The following BUD31 variants were observed in gnomAD, a reference collection of about 807,000 sequenced individuals.
BUD31 encodes the protein protein BUD31 homolog.
BUD31 carries 9 observed loss-of-function variants against 17.9 expected under a neutral mutation model. The observed-to-expected ratio is 0.50, with a 90% CI of 0.30 to 0.88. The LOEUF (loss-of-function observed/expected upper bound fraction) is 0.88. Ranked by LOEUF, BUD31 falls within the 40% of genes least tolerant of loss-of-function variation. The pLI is 0.06. For synonymous variants in BUD31, 70 were observed against 64.7 expected, an observed-to-expected ratio of 1.08 and a Z score of -0.39; for missense variants, 148 against 184.5, an observed-to-expected ratio of 0.80 and a Z score of 1.15.
intron 4 of BUD31, chr7:99,417,171 C>G (rs1356415385): frequency 7.2e-5 from 28 of 386,382 alleles, no homozygotes; most frequent in Non-Finnish European, 1.1e-4. Flanking sequence ...ATTCTCCTGC[C>G]TCAGCCTCCT....
At chr7:99,413,093 C>T (rs1795254996) in intron 3 of BUD31, among the ~76,000 whole-genome samples, 1 of 152,024 alleles carries the variant, frequency 6.6e-6, no homozygotes, top group Admixed American at 6.6e-5. Context: ...GAGCAAGTCA[C>T]GTCTTAACAT....
chr7:99,417,765 G>A, intron 5 of BUD31, 170 bp downstream of exon 5: 1 of 1,532,482 alleles, frequency 6.5e-7, no homozygotes, highest in Non-Finnish European at 8.7e-7. Flanking sequence ...TCCATGTGAG[G>A]CAGCGTGTGG....
chr7:99,414,787 G>C (rs1487955448), intron 3 of BUD31, among the ~76,000 whole-genome samples: 1 of 151,990 alleles, frequency 6.6e-6, no homozygotes, highest in Non-Finnish European at 1.5e-5. Context: ...TAGTAGAGAT[G>C]GGGTTTCACC....
At chr7:99,419,065 C>T in intron 5 of BUD31, 1 of 346,468 alleles carries the variant, frequency 2.9e-6, no homozygotes, top group East Asian at 6.8e-5. Flanking sequence ...GCCACGTCTG[C>T]TCATCGCAGG....
rs1179274680 is a variant in BUD31 at position 99,419,579 on chromosome 7, G to C, written c.*138G>C. On this transcript the variant is annotated 3_prime_UTR_variant, in exon 6 of 6. Transcript: ENST00000222969. The stretch of plus-strand genomic sequence containing the variant: ...ATGGGGAAGGCTTCGCTGTCTATCA[G>C]CTGTGATTTGTAAAAATAAAATCTT... 4.2e-6 allele frequency: 4 copies of C among 955,730 alleles called. No homozygotes were observed. The East Asian group carries it at 7.5e-5, about 18-fold the overall frequency. 59.2% of individuals were successfully genotyped at this position (955,730 alleles called of 1,614,324 possible).
chr7:99,411,602 G>C (rs1795185780), intron 3 of BUD31: 3 of 421,514 alleles, frequency 7.1e-6, no homozygotes, highest in African/African-American at 4.1e-5. Context: ...GTGTGATCCT[G>C]CTTTGTGAAC....
intron 5 of BUD31, chr7:99,418,844 A>C (rs1795658172): frequency 6.5e-6 from 1 of 153,614 alleles, no homozygotes; most frequent in African/African-American, 2.4e-5. Flanking sequence ...CCAAAAAAAG[A>C]ACTTGAAAAA....
At chr7:99,413,189 T>C (rs1336416530) in intron 3 of BUD31, among the ~76,000 whole-genome samples, 2 of 152,028 alleles carry the variant, frequency 1.3e-5, no homozygotes, top group African/African-American at 4.8e-5. Flanking sequence ...TCCTAGGTAA[T>C]AGAATGGCTT....
At chr7:99,410,937 G>C in intron 2 of BUD31, 127 bp from the exon 3 acceptor site, 1 of 625,232 alleles carries the variant, frequency 1.6e-6, no homozygotes, top group Non-Finnish European at 2.8e-6. Context: ...CACAGTCTGG[G>C]TGCTGAGCCC....
At chr7:99,414,089 A>G (rs1017141361) in intron 3 of BUD31, among the ~76,000 whole-genome samples, 17 of 152,154 alleles carry the variant, frequency 1.1e-4, no homozygotes, top group African/African-American at 3.9e-4. Flanking sequence ...CCAAAAATAG[A>G]CATTTTTAAT....
rs981796764 is a variant in BUD31, at chr7:99,419,534, C to T, written c.*93C>T. 4.0e-5 allele frequency: 57 copies of T among 1,427,518 alleles called. No homozygotes were observed. The highest frequency in any genetic ancestry group is 2.2e-4 in the Admixed American group (13 of 58,816). The allele number at this position is 1,427,518 out of a possible 1,614,324, so 88.4% of individuals were successfully genotyped here. A position where few individuals can be genotyped will look rare whatever the true frequency, so the allele number is the denominator to read the frequency against. ...GGAGCAGCGAGCAGTGCCCCAGGCC[C>T]GAGTTGGAGCACGGTCTCTATGGGG... On this transcript the variant is annotated 3_prime_UTR_variant, in exon 6 of 6. Coordinates refer to ENST00000222969, the MANE Select transcript of BUD31 (RefSeq NM_003910.4).
Position 99,419,411 on chromosome 7 carries a change from A to G in BUD31, c.405A>G (p.Thr135=). ...KLEVGRIIEC[T]HCGCRGCSG is the part of the protein sequence containing the mutation. ...TGCAGGGCCGCATCATCGAGTGCAC[A>G]CACTGTGGCTGTCGTGGCTGCTCTG... Residue 135 remains threonine (T), a synonymous_variant, in exon 6 of 6, where the codon ACA becomes ACG. Coordinates refer to ENST00000222969, the MANE Select transcript of BUD31 (RefSeq NM_003910.4). The G allele has an allele frequency of 1.2e-6, 2 of 1,613,084 alleles. No individual in the cohort carries two copies. The highest frequency in any genetic ancestry group is 1.7e-6 in the Non-Finnish European group (2 of 1,179,996).
At chr7:99,410,962 G>GA in intron 2 of BUD31, 102 bp from the exon 3 acceptor site, 1 of 706,658 alleles carries the variant, frequency 1.4e-6, no homozygotes, top group South Asian at 1.7e-5. Flanking sequence ...CCATAGCTGT[G>GA]ACCCTATGCT....
At position 99,417,498 on chromosome 7, in the gene BUD31, G is replaced by A; in HGVS notation, c.287G>A (p.Gly96Glu). 2 of 1,611,840 alleles carry A rather than the reference G, an allele frequency of 1.2e-6. No homozygotes were observed. The highest frequency in any genetic ancestry group is 1.7e-6 in the Non-Finnish European group (2 of 1,178,556). Residue 96 changes from glycine (G) to glutamate (E), a missense_variant, in exon 5 of 6, where the codon GGA becomes GAA. Transcript: ENST00000222969. ...CTGATTGCAAAATGGAAAAAGCAAG[G>A]ATATGAGAACTTGTGCTGCCTGCGG... ...KNLIAKWKKQ[G>E]YENLCCLRCI...
At position 99,416,273 on chromosome 7, in the gene BUD31, TCTCTC is replaced by T. The variant is rs778730605; in HGVS notation, c.217+14_217+18del. 1 of 1,612,454 alleles carries T rather than the reference TCTCTC, an allele frequency of 6.2e-7. No individual in the cohort carries two copies. Among genetic ancestry groups the T allele is most frequent in the South Asian group, 1.1e-5 (1 of 91,010 alleles). On this transcript the variant is annotated intron_variant, in intron 4 of 5. Transcript: ENST00000222969. The stretch of plus-strand genomic sequence containing the variant: ...GCCATCAGCAGAGGTAATTAGTCAG[TCTCTC>T]TTGGACTTTGAAGCTCGCGTCACTT...
intron 3 of BUD31, 70 bp downstream of exon 3, chr7:99,411,256 A>C: frequency 8.5e-7 from 1 of 1,170,570 alleles, no homozygotes; most frequent in South Asian, 1.3e-5. Flanking sequence ...CCCAGGGGAC[A>C]GGCATAAATG....
At chr7:99,417,970 TCTTTCCCG>T in intron 5 of BUD31, 1 of 1,190,218 alleles carries the variant, frequency 8.4e-7, no homozygotes, top group South Asian at 1.6e-5. Context: ...ACCATCACTA[TCTTTCCCG>T]CCCCCCCAAG....
intron 3 of BUD31, among the ~76,000 whole-genome samples, chr7:99,414,006 G>C (rs1454732794): frequency 6.6e-6 from 1 of 152,186 alleles, no homozygotes; most frequent in African/African-American, 2.4e-5. Context: ...CCAACGTTGT[G>C]ACAAGGTTTG....
intron 3 of BUD31, 28 bp downstream of exon 3, chr7:99,411,214 G>A (rs372857570): frequency 6.5e-5 from 104 of 1,593,208 alleles, no homozygotes; most frequent in Non-Finnish European, 8.9e-5. Context: ...TGTCTGGGTG[G>A]GCTGGGTCCA....
Sources: allele counts gnomAD v4.1 joint callset (sites outside exome capture counted in the v4.1 genomes callset), GRCh38; gene constraint gnomAD v4.1.1; transcripts MANE v1.5; gene names NCBI Gene and HGNC (gene_info 2026-07-23, HGNC 2026-07-21).